The following EHD4 variants were observed in gnomAD, a reference collection of about 807,000 sequenced individuals.
EHD4 encodes the protein EH domain containing 4, also known as EH domain-containing protein 4.
A neutral mutation model predicts 51.0 loss-of-function variants in EHD4; 37 were observed. The observed-to-expected ratio is 0.73, with a 90% confidence interval of 0.56 to 0.95. The LOEUF is 0.95. Among genes scored for constraint, EHD4 ranks in the 40% least tolerant of loss-of-function variants. The pLI, the probability that EHD4 is intolerant of heterozygous loss-of-function variation, is 0.00. For missense variants in EHD4, 632 were observed against 733.1 expected (o/e 0.86, Z 1.59); for synonymous variants, 297 against 317.3 (o/e 0.94, Z 0.68).
chr15:41,932,178 T>C (rs1434170749), intron 3 of EHD4, among the ~76,000 whole-genome samples: 1 of 152,160 alleles, frequency 6.6e-6, no homozygotes, highest in Non-Finnish European at 1.5e-5. Flanking sequence ...CTGGTCTATC[T>C]ATATGATGGA....
At chr15:41,931,067 G>A (rs562367272) in intron 3 of EHD4, among the ~76,000 whole-genome samples, 10 of 152,212 alleles carry the variant, frequency 6.6e-5, no homozygotes, top group Admixed American at 1.3e-4. Context: ...AAAGACCGCC[G>A]CTCCTTTTGA....
intron 5 of EHD4, among the ~76,000 whole-genome samples, chr15:41,902,787 GTATGTGTATA>G (rs1452316225): frequency 1.4e-5 from 2 of 146,110 alleles, no homozygotes; most frequent in Non-Finnish European, 3.0e-5. Flanking sequence ...GTATATATAT[GTATGTGTATA>G]TATATGTATG....
At position 41,919,408 on chromosome 15, in the gene EHD4, G is replaced by A; in HGVS notation, c.726C>T (p.Ser242=). 2 of 1,604,140 alleles carry A rather than the reference G, an allele frequency of 1.2e-6. No homozygotes were observed. Among genetic ancestry groups the A allele is most frequent in the Non-Finnish European group, 1.7e-6 (2 of 1,174,080 alleles). The part of the protein sequence containing the change: ...LMRVYGALMW[S]LGKVINTPEV... ...CGGGCGTGTTGATGACCTTGCCTAG[G>A]GACCACATGAGGGCCCCGTAGACCC... is the stretch of plus-strand genomic sequence containing the variant. Residue 242 remains serine (S), a synonymous_variant, in exon 4 of 6, where the codon TCC becomes TCT. Transcript: ENST00000220325.
chr15:41,930,626 C>G (rs905875012), intron 3 of EHD4, among the ~76,000 whole-genome samples: 2 of 152,120 alleles, frequency 1.3e-5, no homozygotes, highest in Non-Finnish European at 2.9e-5. Flanking sequence ...TTCCTCTTTT[C>G]AAACATCTTG....
chr15:41,935,870 G>A (rs2067728602), intron 3 of EHD4, among the ~76,000 whole-genome samples: 1 of 152,208 alleles, frequency 6.6e-6, no homozygotes, highest in Admixed American at 6.5e-5. Flanking sequence ...TGGGGCTGGA[G>A]TTACCTGACA....
chr15:41,900,551 G>T lies in EHD4; in HGVS notation c.*94C>A. 7.8e-7 allele frequency: 1 copy of T among 1,283,020 alleles called. No homozygotes were observed. Among genetic ancestry groups the T allele is most frequent in the Non-Finnish European group, 1.1e-6 (1 of 949,970 alleles). 79.5% of individuals were successfully genotyped at this position (1,283,020 alleles called of 1,614,324 possible). A position where few individuals can be genotyped will look rare whatever the true frequency, so the allele number is the denominator to read the frequency against. ...ATGGGGAAACCAAGGCACAGAGAGG[G>T]CAGTGCCTTGCCCAAGGTCATTCGG... On this transcript the variant is annotated 3_prime_UTR_variant, in exon 6 of 6. Coordinates refer to ENST00000220325, the MANE Select transcript of EHD4 (RefSeq NM_139265.4). This position sits in a 1 kb window ranked among gnomAD's most constrained non-coding sequence, Gnocchi z 4.8.
At chr15:41,963,287 A>C (rs1241481473) in intron 1 of EHD4, among the ~76,000 whole-genome samples, 1 of 140,246 alleles carries the variant, frequency 7.1e-6, no homozygotes, top group African/African-American at 2.6e-5. Flanking sequence ...AAGAATGATC[A>C]ATAAATACTA....
In EHD4 at chr15:41,926,661, T is replaced by C. The variant is rs2067663808; in HGVS notation, c.512-7039A>G. 2.6e-5 allele frequency among the ~76,000 whole-genome samples: 4 copies of C among 152,254 alleles called. No homozygotes were observed. The South Asian group carries it at 8.3e-4, about 32-fold the overall frequency. On this transcript the variant is annotated intron_variant, in intron 3 of 5. Transcript: ENST00000220325. ...TCTCCAAAACTGTGAGTGTCCCTGA[T>C]TATGTCTAGAATAAATGTTTCCAGA...
chr15:41,933,137 G>C (rs189151194), intron 3 of EHD4, among the ~76,000 whole-genome samples: 1 of 152,310 alleles, frequency 6.6e-6, no homozygotes, highest in Admixed American at 6.5e-5. Context: ...GAGTGTGCCT[G>C]CATCTCCCCA....
chr15:41,917,706 G>A (rs191163482), intron 4 of EHD4, among the ~76,000 whole-genome samples: 1 of 152,174 alleles, frequency 6.6e-6, no homozygotes, highest in Non-Finnish European at 1.5e-5. Context: ...ATTAGGCCCA[G>A]GACAAGGGCG....
Position 41,896,187 on chromosome 15 carries a change from C to T in EHD4, c.*4458G>A, listed in dbSNP as rs935187890. Reference sequence around the variant, plus strand: ...GGAAGGACTTCAGGTGAGGTTTGATCCAGCAGCTCAAATGTTGTCACCACA... The same window carrying T: ...GGAAGGACTTCAGGTGAGGTTTGATTCAGCAGCTCAAATGTTGTCACCACA... On this transcript the variant is annotated 3_prime_UTR_variant, in exon 6 of 6. Transcript: ENST00000220325. 6.6e-6 allele frequency: 1 copy of T among 152,138 alleles called. No homozygotes were observed. The highest frequency in any genetic ancestry group is 6.6e-5 in the Admixed American group (1 of 15,266). The allele number at this position is 152,138 out of a possible 1,614,324, so 9.4% of individuals were successfully genotyped here. A position where few individuals can be genotyped will look rare whatever the true frequency, so the allele number is the denominator to read the frequency against.
intron 4 of EHD4, among the ~76,000 whole-genome samples, chr15:41,917,593 G>C (rs753551575): frequency 2.0e-5 from 3 of 152,184 alleles, no homozygotes; most frequent in Non-Finnish European, 1.5e-5. Flanking sequence ...CTAATGTGGG[G>C]TGTCACACAC....
chr15:41,899,782 T>A lies in EHD4; in HGVS notation c.*863A>T, dbSNP rs2067463508. ...AACCACCTCTTTTCTTTACTGTAGT[T>A]TAAGTATGATAAGTGGGCTTTGCTA... is the stretch of plus-strand genomic sequence containing the variant. On this transcript the variant is annotated 3_prime_UTR_variant, in exon 6 of 6. Coordinates refer to ENST00000220325, the MANE Select transcript of EHD4 (RefSeq NM_139265.4). 1 of 152,226 alleles carries A rather than the reference T, an allele frequency of 6.6e-6. No homozygotes were observed. The highest frequency in any genetic ancestry group is 2.4e-5 in the African/African-American group (1 of 41,448). 9.4% of individuals were successfully genotyped at this position (152,226 alleles called of 1,614,324 possible). A position where few individuals can be genotyped will look rare whatever the true frequency, so the allele number is the denominator to read the frequency against.
chr15:41,906,764 T>G (rs2067514924), intron 5 of EHD4, among the ~76,000 whole-genome samples: 2 of 152,340 alleles, frequency 1.3e-5, no homozygotes, highest in East Asian at 3.9e-4. Flanking sequence ...ACGTTCCCCT[T>G]GGGGTGACAC....
chr15:41,919,399 C>T lies in EHD4; in HGVS notation c.735G>A (p.Lys245=), dbSNP rs762722037. 3 of 1,607,844 alleles carry T rather than the reference C, an allele frequency of 1.9e-6. No individual in the cohort carries two copies. Among genetic ancestry groups the T allele is most frequent in the South Asian group, 2.2e-5 (2 of 90,214 alleles). Residue 245 remains lysine, a synonymous_variant, in exon 4 of 6, where the codon AAG becomes AAA. Coordinates refer to ENST00000220325, the MANE Select transcript of EHD4 (RefSeq NM_139265.4). ...VYGALMWSLG[K]VINTPEVLRV... ...GCAGTACCTCGGGCGTGTTGATGAC[C>T]TTGCCTAGGGACCACATGAGGGCCC... is the stretch of plus-strand genomic sequence containing the variant.
chr15:41,924,699 G>C (rs2067649860), intron 3 of EHD4, among the ~76,000 whole-genome samples: 1 of 152,118 alleles, frequency 6.6e-6, no homozygotes, highest in South Asian at 2.1e-4. Flanking sequence ...GTGATGGAAA[G>C]TTTCTATATC....
intron 1 of EHD4, among the ~76,000 whole-genome samples, chr15:41,957,094 G>T (rs1427458011): frequency 4.6e-5 from 7 of 152,184 alleles, no homozygotes; most frequent in Non-Finnish European, 7.3e-5. Flanking sequence ...ATTTTGGGAG[G>T]CCGCAGTGGG....
At chr15:41,943,297 G>A in intron 2 of EHD4, 133 bp from the exon 3 acceptor site, 2 of 631,482 alleles carry the variant, frequency 3.2e-6, no homozygotes, top group Non-Finnish European at 5.4e-6. Flanking sequence ...CAGAAACTGA[G>A]GATGCCTAAT....
At chr15:41,939,545 T>C (rs2067752956) in intron 3 of EHD4, among the ~76,000 whole-genome samples, 1 of 152,124 alleles carries the variant, frequency 6.6e-6, no homozygotes. Context: ...TTTTAACATT[T>C]ATATACAAAC....
Sources: gnomAD v4.1 joint callset for allele counts (sites outside exome capture counted in the v4.1 genomes callset) on GRCh38, gnomAD v4.1.1 for gene constraint, Gnocchi (gnomAD v3.1) non-coding constraint, MANE v1.5 for transcripts, NCBI Gene and HGNC (gene_info 2026-07-23, HGNC 2026-07-21) for gene names.